Variants in NRG3 observed in about 807,000 individuals in gnomAD.
NRG3 encodes neuregulin 3.
Under a neutral mutation model 66.9 loss-of-function variants are expected in NRG3, and 31 were observed. That is an observed-to-expected ratio of 0.46 (90% CI 0.35 to 0.63). The LOEUF (loss-of-function observed/expected upper bound fraction) is 0.63. Among genes scored for constraint, NRG3 ranks in the 20% least tolerant of loss-of-function variants. NRG3 has a pLI of 0.00. For synonymous variants in NRG3, 393 were observed against 359.4 expected (o/e 1.09, Z -1.06); for missense variants, 910 against 878.9 (o/e 1.04, Z -0.45).
intron 3 of NRG3, among the ~76,000 whole-genome samples, chr10:82,760,271 C>T (rs2135050773): frequency 6.6e-6 from 1 of 152,178 alleles, no homozygotes; most frequent in African/African-American, 2.4e-5. Flanking sequence ...GCCAAAAGCA[C>T]ATCTGGTCTC....
intron 3 of NRG3, among the ~76,000 whole-genome samples, chr10:82,796,486 A>G (rs565246200): frequency 6.6e-6 from 1 of 152,268 alleles, no homozygotes; most frequent in Non-Finnish European, 1.5e-5. Context: ...ATGTCCATCC[A>G]AGACAAAGCC....
intron 3 of NRG3, among the ~76,000 whole-genome samples, chr10:82,848,820 G>T (rs981712720): frequency 6.6e-6 from 1 of 152,142 alleles, no homozygotes; most frequent in Non-Finnish European, 1.5e-5. Flanking sequence ...AGATCTGAGG[G>T]TTTTATAAAG....
chr10:82,444,185 C>G (rs1368557024), intron 2 of NRG3, among the ~76,000 whole-genome samples: 1 of 152,210 alleles, frequency 6.6e-6, no homozygotes, highest in Admixed American at 6.5e-5. Context: ...TCACTGTAAC[C>G]TCCGCCTTTT....
chr10:81,885,644 A>G (rs566372097), intron 1 of NRG3, among the ~76,000 whole-genome samples: 1 of 152,350 alleles, frequency 6.6e-6, no homozygotes, highest in South Asian at 2.1e-4. Flanking sequence ...TTATAAAAAT[A>G]AAATGGAAAT....
chr10:82,322,346 G>T (rs1186516471), intron 1 of NRG3, among the ~76,000 whole-genome samples: 1 of 152,044 alleles, frequency 6.6e-6, no homozygotes, highest in African/African-American at 2.4e-5. Flanking sequence ...TGGATGTGTG[G>T]TTGACTCCAG....
At chr10:82,579,264 C>G (rs948069638) in intron 2 of NRG3, among the ~76,000 whole-genome samples, 1 of 151,180 alleles carries the variant, frequency 6.6e-6, no homozygotes, top group East Asian at 1.9e-4. Flanking sequence ...TTGAAAAACA[C>G]CCAGTTTAAG....
intron 2 of NRG3, among the ~76,000 whole-genome samples, chr10:82,661,148 G>A (rs894916297): frequency 9.9e-5 from 15 of 151,882 alleles, no homozygotes; most frequent in Non-Finnish European, 1.3e-4. Flanking sequence ...CTATTCCCTC[G>A]TCTGACAATT....
At chr10:82,625,701 A>G (rs1200173316) in intron 2 of NRG3, among the ~76,000 whole-genome samples, 1 of 152,090 alleles carries the variant, frequency 6.6e-6, no homozygotes, top group African/African-American at 2.4e-5. Context: ...TTTCTCCTCA[A>G]TCTTATCTGA....
intron 3 of NRG3, among the ~76,000 whole-genome samples, chr10:82,824,715 G>A (rs1377496232): frequency 6.7e-6 from 1 of 148,272 alleles, no homozygotes. Context: ...TTTAATTATA[G>A]ACACTTTTTT....
At chr10:82,006,118 A>T (rs1340486070) in intron 1 of NRG3, among the ~76,000 whole-genome samples, 1 of 152,088 alleles carries the variant, frequency 6.6e-6, no homozygotes. Flanking sequence ...TTCTAAAATC[A>T]GTCAGATTAT....
At chr10:82,837,682 T>A (rs1033059229) in intron 3 of NRG3, among the ~76,000 whole-genome samples, 35 of 152,102 alleles carry the variant, frequency 2.3e-4, no homozygotes, top group African/African-American at 8.4e-4. Context: ...AACTAGACAA[T>A]CTTTGCAGTG....
chr10:81,988,874 C>CTT (rs398054550), intron 1 of NRG3, among the ~76,000 whole-genome samples: 7,896 of 141,422 alleles, frequency 0.056, 709 homozygotes, highest in African/African-American at 0.19. Flanking sequence ...CCCGGATGTA[C>CTT]TTTTTTTTTT....
At chr10:81,892,923 A>G (rs2132574857) in intron 1 of NRG3, among the ~76,000 whole-genome samples, 1 of 152,334 alleles carries the variant, frequency 6.6e-6, no homozygotes, top group East Asian at 1.9e-4. Flanking sequence ...AAATTATCTC[A>G]TGTAATCCAT....
intron 1 of NRG3, among the ~76,000 whole-genome samples, chr10:81,925,859 A>G (rs1306037569): frequency 2.0e-5 from 3 of 152,020 alleles, no homozygotes; most frequent in African/African-American, 7.2e-5. Flanking sequence ...TCATAAAAGG[A>G]CCTTAGCATG....
intron 1 of NRG3, among the ~76,000 whole-genome samples, chr10:82,309,469 A>C (rs73306684): frequency 0.042 from 6,368 of 151,740 alleles, 246 homozygotes; most frequent in African/African-American, 0.1. Flanking sequence ...TGCATTACAA[A>C]AAAAAAAAAA....
intron 1 of NRG3, among the ~76,000 whole-genome samples, chr10:82,299,064 G>A (rs758848946): frequency 2.6e-5 from 4 of 152,064 alleles, no homozygotes; most frequent in African/African-American, 9.7e-5. Flanking sequence ...GTGACATGCC[G>A]TGGGCCCAAA....
At chr10:82,918,705 G>A (rs1339287175) in intron 4 of NRG3, among the ~76,000 whole-genome samples, 1 of 152,092 alleles carries the variant, frequency 6.6e-6, no homozygotes, top group Non-Finnish European at 1.5e-5. Context: ...TGGCCCTAAG[G>A]AAAAGTCCTG....
At chr10:82,364,602 A>C (rs2135672419) in intron 2 of NRG3, among the ~76,000 whole-genome samples, 1 of 152,276 alleles carries the variant, frequency 6.6e-6, no homozygotes, top group Middle Eastern at 3.4e-3. Flanking sequence ...ATTTGAATGG[A>C]CCAAATGTGT....
intron 1 of NRG3, among the ~76,000 whole-genome samples, chr10:81,921,769 TCTGA>T (rs1846274668): frequency 2.6e-5 from 4 of 152,256 alleles, no homozygotes; most frequent in South Asian, 4.1e-4. Context: ...TTAAAAATGT[TCTGA>T]CTGTTTTCAC....
Sources: gnomAD v4.1 joint callset for allele counts (sites outside exome capture counted in the v4.1 genomes callset) on GRCh38, gnomAD v4.1.1 for gene constraint, MANE v1.5 for transcripts, NCBI Gene and HGNC (gene_info 2026-07-23, HGNC 2026-07-21) for gene names.